The following SRGAP3 variants were observed in gnomAD, a reference collection of about 807,000 sequenced individuals.
SRGAP3 encodes the protein SLIT-ROBO Rho GTPase activating protein 3, also known as SLIT-ROBO Rho GTPase-activating protein 3.
In SRGAP3, 39 loss-of-function variants were observed where a neutral mutation model predicts 121.1. The ratio of observed to expected loss-of-function variants is 0.32; its 90% CI spans 0.25 to 0.42. The LOEUF (loss-of-function observed/expected upper bound fraction) is 0.42, where lower values mean the gene tolerates loss of function less well. Among genes scored for constraint, SRGAP3 ranks in the 10% least tolerant of loss-of-function variants. The pLI is 1.00. For synonymous variants in SRGAP3, 601 were observed against 570.0 expected, an observed-to-expected ratio of 1.05 and a Z score of -0.77; for missense variants, 1,213 against 1,470.6, an observed-to-expected ratio of 0.82 and a Z score of 2.86.
intron 1 of SRGAP3, among the ~76,000 whole-genome samples, chr3:9,126,435 T>A (rs1051451427): frequency 3.3e-5 from 5 of 151,982 alleles, no homozygotes; most frequent in African/African-American, 1.2e-4. Flanking sequence ...GTGGAGACCA[T>A]CCTGGCTGAC....
chr3:9,068,029 G>T (rs1017052506), intron 4 of SRGAP3, among the ~76,000 whole-genome samples: 1 of 152,096 alleles, frequency 6.6e-6, no homozygotes, highest in Non-Finnish European at 1.5e-5. Context: ...CCCCCTTCTC[G>T]ACATGTCCCT....
intron 1 of SRGAP3, among the ~76,000 whole-genome samples, chr3:9,204,188 G>A (rs1469472689): frequency 6.6e-6 from 1 of 152,218 alleles, no homozygotes; most frequent in African/African-American, 2.4e-5. Context: ...TACTTCTTGT[G>A]ACAAAATTCC....
intron 3 of SRGAP3, among the ~76,000 whole-genome samples, chr3:9,314,065 C>T (rs1188795688): frequency 6.6e-6 from 1 of 152,240 alleles, no homozygotes; most frequent in African/African-American, 2.4e-5. Context: ...ATAACTCCTT[C>T]AGGGCAGAAC....
At chr3:9,143,583 G>A (rs778053370) in intron 1 of SRGAP3, among the ~76,000 whole-genome samples, 1 of 152,156 alleles carries the variant, frequency 6.6e-6, no homozygotes, top group Non-Finnish European at 1.5e-5. Context: ...ATATCAACAA[G>A]GAATATAAGA....
chr3:9,084,990 A>G (rs1378980333), intron 3 of SRGAP3, among the ~76,000 whole-genome samples: 1 of 152,056 alleles, frequency 6.6e-6, no homozygotes, highest in East Asian at 1.9e-4. Context: ...CATTCAACCT[A>G]TTGGCATCTT....
At chr3:8,987,156 GAAGCTTTGTAA>G (rs1234570517) in intron 21 of SRGAP3, among the ~76,000 whole-genome samples, 1 of 152,224 alleles carries the variant, frequency 6.6e-6, no homozygotes, top group South Asian at 2.1e-4. Flanking sequence ...TGGATGTGAT[GAAGCTTTGTAA>G]ACTGCCAGGT....
At chr3:9,230,748 C>T (rs1953173571) in intron 1 of SRGAP3, among the ~76,000 whole-genome samples, 1 of 151,610 alleles carries the variant, frequency 6.6e-6, no homozygotes, top group African/African-American at 2.4e-5. Context: ...TGGCATGCAC[C>T]TATAGTCCCA....
chr3:9,134,008 TA>T (rs1228842635), intron 1 of SRGAP3, among the ~76,000 whole-genome samples: 1 of 152,144 alleles, frequency 6.6e-6, no homozygotes, highest in African/African-American at 2.4e-5. Context: ...TTTTTCATCA[TA>T]AAAAAGGGAG....
chr3:9,097,853 C>T (rs986138042), intron 3 of SRGAP3, among the ~76,000 whole-genome samples: 2 of 152,200 alleles, frequency 1.3e-5, no homozygotes, highest in African/African-American at 4.8e-5. Flanking sequence ...CTCAGGACAA[C>T]TCTGAAGGGC....
chr3:9,025,604 C>T (rs182946458), intron 13 of SRGAP3, among the ~76,000 whole-genome samples: 8 of 152,304 alleles, frequency 5.3e-5, no homozygotes, highest in Admixed American at 5.2e-4. Context: ...TGTATCAATA[C>T]CTTTCCTTCC....
chr3:9,171,620 GT>G (rs1283742053), intron 1 of SRGAP3, among the ~76,000 whole-genome samples: 5 of 152,134 alleles, frequency 3.3e-5, no homozygotes, highest in African/African-American at 4.8e-5. Context: ...CTTATTAAAA[GT>G]TTTTTTATTA....
intron 1 of SRGAP3, among the ~76,000 whole-genome samples, chr3:9,202,066 G>A (rs1248213910): frequency 1.3e-5 from 2 of 151,722 alleles, no homozygotes; most frequent in Non-Finnish European, 2.9e-5. Flanking sequence ...GGAGGATGGG[G>A]GGAAGGGAGG....
chr3:9,229,297 A>T (rs1403246328), intron 1 of SRGAP3, among the ~76,000 whole-genome samples: 1 of 152,120 alleles, frequency 6.6e-6, no homozygotes, highest in Admixed American at 6.6e-5. Flanking sequence ...GTGGCTAGGT[A>T]GGCCTGGTCA....
At chr3:9,000,997 A>T (rs1942724354) in intron 18 of SRGAP3, among the ~76,000 whole-genome samples, 1 of 152,226 alleles carries the variant, frequency 6.6e-6, no homozygotes, top group Non-Finnish European at 1.5e-5. Context: ...TCATTCAAAT[A>T]AGATGTATAT....
At chr3:9,145,509 A>T (rs1293217538) in intron 1 of SRGAP3, among the ~76,000 whole-genome samples, 1 of 152,196 alleles carries the variant, frequency 6.6e-6, no homozygotes, top group Non-Finnish European at 1.5e-5. Flanking sequence ...AACCTAGTTC[A>T]TATTGAACTC....
At chr3:9,241,553 G>A (rs1037121304) in intron 1 of SRGAP3, among the ~76,000 whole-genome samples, 3 of 152,138 alleles carry the variant, frequency 2.0e-5, no homozygotes, top group Admixed American at 1.3e-4. Flanking sequence ...CAAGGAAATC[G>A]AGCAAACCAT....
Position 9,213,644 on chromosome 3 carries a change from A to T in SRGAP3, c.67+35241T>A, listed in dbSNP as rs1952519022. ...GGAGGAGAGATCTTTCTAAACCAGA[A>T]AATTGGTCCCATCACCTCCCTGTTA... On this transcript the variant is annotated intron_variant, in intron 1 of 21. Coordinates refer to ENST00000383836, the MANE Select transcript of SRGAP3 (RefSeq NM_014850.4). Among the ~76,000 whole-genome samples the T allele has an allele frequency of 2.0e-5, 3 of 152,212 alleles. No homozygotes were observed. The South Asian group carries it at 6.2e-4, about 32-fold the overall frequency.
chr3:9,140,148 C>T (rs1284296572), intron 1 of SRGAP3, among the ~76,000 whole-genome samples: 8 of 151,878 alleles, frequency 5.3e-5, no homozygotes, highest in African/African-American at 1.9e-4. Context: ...CACACACACA[C>T]ACATACATAC....
At chr3:9,132,940 G>C (rs565565594) in intron 1 of SRGAP3, among the ~76,000 whole-genome samples, 1 of 150,364 alleles carries the variant, frequency 6.7e-6, no homozygotes, top group Non-Finnish European at 1.5e-5. Flanking sequence ...TTCCCCTCTC[G>C]CAAAACAACC....
Sources: allele counts gnomAD v4.1 joint callset (sites outside exome capture counted in the v4.1 genomes callset), GRCh38; gene constraint gnomAD v4.1.1; transcripts MANE v1.5; gene names NCBI Gene and HGNC (gene_info 2026-07-23, HGNC 2026-07-21).